ESR1: variants seen among roughly 807,000 people sequenced by gnomAD.
The protein encoded by ESR1 is estrogen receptor 1, also known as estrogen receptor.
A neutral mutation model predicts 52.7 loss-of-function variants in ESR1; 12 were observed. The observed-to-expected ratio is 0.23, with a 90% confidence interval of 0.15 to 0.37. The LOEUF (loss-of-function observed/expected upper bound fraction) is 0.37. Ranked by LOEUF, ESR1 falls within the 10% of genes least tolerant of loss-of-function variation. The probability of loss-of-function intolerance (pLI) is 1.00; values close to 1 mark genes in which losing one functional copy is unlikely to be tolerated. For missense variants in ESR1, 584 were observed against 779.7 expected (o/e 0.75, Z 2.99); for synonymous variants, 305 against 316.8 (o/e 0.96, Z 0.39).
intron 1 of ESR1, among the ~76,000 whole-genome samples, chr6:151,679,830 T>C (rs1194934868): frequency 6.6e-6 from 1 of 152,184 alleles, no homozygotes; most frequent in Non-Finnish European, 1.5e-5. Context: ...GCTGTTTATG[T>C]CCAGAATGCT....
chr6:151,976,850 T>A (rs1423036055), intron 4 of ESR1, among the ~76,000 whole-genome samples: 1 of 151,994 alleles, frequency 6.6e-6, no homozygotes, highest in Non-Finnish European at 1.5e-5. Context: ...ACTCACAGAA[T>A]TGCTATACAT....
At chr6:151,908,559 A>G (rs1797790666) in intron 3 of ESR1, among the ~76,000 whole-genome samples, 1 of 152,210 alleles carries the variant, frequency 6.6e-6, no homozygotes, top group Admixed American at 6.5e-5. Context: ...AATACAGCTA[A>G]GCCTCTAACT....
At chr6:151,850,098 A>G (rs184061508) in intron 2 of ESR1, among the ~76,000 whole-genome samples, 11 of 21,118 alleles carry the variant, frequency 5.2e-4, no homozygotes, top group South Asian at 3.7e-3. Flanking sequence ...ATATAATTTT[A>G]TATATATATA....
At chr6:151,893,237 T>A (rs992659154) in intron 3 of ESR1, among the ~76,000 whole-genome samples, 1 of 152,082 alleles carries the variant, frequency 6.6e-6, no homozygotes, top group African/African-American at 2.4e-5. Flanking sequence ...TAATCCCAGC[T>A]ACTCAGGAGG....
At chr6:151,691,712 C>CTT (rs10656721) in intron 1 of ESR1, among the ~76,000 whole-genome samples, 68,718 of 151,768 alleles carry the variant, frequency 0.45, 16,077 homozygotes, top group African/African-American at 0.53. Context: ...TGAGAGTAAA[C>CTT]AGGAAGACCA....
intron 4 of ESR1, among the ~76,000 whole-genome samples, chr6:151,964,714 T>C (rs2038070782): frequency 6.6e-6 from 1 of 151,832 alleles, no homozygotes; most frequent in African/African-American, 2.4e-5. Context: ...CGATCTCCAC[T>C]CACTGCAAGC....
chr6:151,744,345 A>G (rs982819459), intron 2 of ESR1, among the ~76,000 whole-genome samples: 11 of 152,226 alleles, frequency 7.2e-5, no homozygotes, highest in African/African-American at 2.2e-4. Context: ...CCTACCAGCA[A>G]TGCATGAGGG....
chr6:151,938,168 A>G (rs1370591280), intron 3 of ESR1, among the ~76,000 whole-genome samples: 2 of 152,232 alleles, frequency 1.3e-5, no homozygotes, highest in Admixed American at 6.5e-5. Context: ...GAACGTAGTC[A>G]TGGGAAACTG....
intron 1 of ESR1, among the ~76,000 whole-genome samples, chr6:151,672,490 C>G (rs527278448): frequency 6.6e-6 from 1 of 152,136 alleles, no homozygotes; most frequent in African/African-American, 2.4e-5. Flanking sequence ...GCACATGCCA[C>G]CGTGCCCAGC....
intron 4 of ESR1, among the ~76,000 whole-genome samples, chr6:151,949,518 C>T (rs1264196227): frequency 3.3e-5 from 5 of 152,190 alleles, no homozygotes; most frequent in African/African-American, 1.2e-4. Flanking sequence ...TGGGTGACAT[C>T]CTGGAGAGAT....
chr6:151,725,726 G>C (rs1781788608), intron 2 of ESR1, among the ~76,000 whole-genome samples: 1 of 152,210 alleles, frequency 6.6e-6, no homozygotes, highest in Non-Finnish European at 1.5e-5. Context: ...TTTTCTACAT[G>C]AAGGGCATTA....
chr6:152,037,462 T>C (rs1186812213), intron 5 of ESR1, among the ~76,000 whole-genome samples: 2 of 152,194 alleles, frequency 1.3e-5, no homozygotes, highest in Admixed American at 1.3e-4. Context: ...ACGTGAATGA[T>C]GTTGCGCTTT....
chr6:151,740,114 C>CTATCT (rs2128055697), intron 2 of ESR1, among the ~76,000 whole-genome samples: 1 of 151,588 alleles, frequency 6.6e-6, no homozygotes, highest in Admixed American at 6.6e-5. Flanking sequence ...CTGATTTTTT[C>CTATCT]TTTCTTTTCT....
At chr6:151,661,954 A>G (rs1324072183) in intron 1 of ESR1, among the ~76,000 whole-genome samples, 1 of 152,198 alleles carries the variant, frequency 6.6e-6, no homozygotes, top group Non-Finnish European at 1.5e-5. Flanking sequence ...TTCTTTATAA[A>G]TTACCAAGTC....
At chr6:152,079,408 G>C (rs927177076) in intron 6 of ESR1, among the ~76,000 whole-genome samples, 3 of 152,210 alleles carry the variant, frequency 2.0e-5, no homozygotes, top group Admixed American at 1.3e-4. Context: ...CTGACGGTTA[G>C]AAGGAAAACT....
At chr6:152,009,834 TG>T (rs1432899657) in intron 4 of ESR1, among the ~76,000 whole-genome samples, 4 of 152,278 alleles carry the variant, frequency 2.6e-5, no homozygotes, top group South Asian at 4.1e-4. Context: ...ACAACCCAAA[TG>T]TCCAATGAAA....
intron 4 of ESR1, among the ~76,000 whole-genome samples, chr6:151,950,828 A>G (rs931079716): frequency 1.3e-5 from 2 of 148,954 alleles, no homozygotes; most frequent in African/African-American, 4.9e-5. Context: ...GAAGCCACCT[A>G]GTTTTTGATA....
intron 3 of ESR1, among the ~76,000 whole-genome samples, chr6:151,904,567 A>G (rs1584108574): frequency 6.6e-6 from 1 of 152,166 alleles, no homozygotes; most frequent in Admixed American, 6.6e-5. Flanking sequence ...TTTTCCAGGT[A>G]TTCTTTTATG....
chr6:151,670,751 T>G (rs1248625136), intron 1 of ESR1, among the ~76,000 whole-genome samples: 1 of 150,242 alleles, frequency 6.7e-6, no homozygotes, highest in Non-Finnish European at 1.5e-5. Flanking sequence ...ACCCAGCTAA[T>G]TTTTGTTTTC....
Sources: allele counts gnomAD v4.1 joint callset (sites outside exome capture counted in the v4.1 genomes callset), GRCh38; gene constraint gnomAD v4.1.1; transcripts MANE v1.5; gene names NCBI Gene and HGNC (gene_info 2026-07-23, HGNC 2026-07-21).